The following HHIP variants were observed in gnomAD, a reference collection of about 807,000 sequenced individuals.
HHIP encodes the protein hedgehog-interacting protein.
In HHIP, 12 loss-of-function variants were observed where a neutral mutation model predicts 74.0. That is an observed-to-expected ratio of 0.16 (90% CI 0.10 to 0.26). The LOEUF is 0.26. Ranked by LOEUF, HHIP falls within the 10% of genes least tolerant of loss-of-function variation. The pLI is 1.00. For synonymous variants in HHIP, 309 were observed against 311.6 expected, an observed-to-expected ratio of 0.99 and a Z score of 0.09; for missense variants, 788 against 845.0, an observed-to-expected ratio of 0.93 and a Z score of 0.84.
At chr4:144,686,556 A>C (rs541796706) in intron 4 of HHIP, among the ~76,000 whole-genome samples, 37 of 152,320 alleles carry the variant, frequency 2.4e-4, no homozygotes, top group African/African-American at 8.7e-4. Flanking sequence ...TAGAAATATT[A>C]ATAGTAAAAC....
intron 4 of HHIP, among the ~76,000 whole-genome samples, chr4:144,687,072 G>A (rs1729507192): frequency 6.6e-6 from 1 of 151,964 alleles, no homozygotes; most frequent in African/African-American, 2.4e-5. Context: ...CTGCTGCTTT[G>A]TCATTCTATG....
At chr4:144,705,633 G>A (rs1332484121) in intron 4 of HHIP, among the ~76,000 whole-genome samples, 1 of 152,094 alleles carries the variant, frequency 6.6e-6, no homozygotes, top group Non-Finnish European at 1.5e-5. Flanking sequence ...ATAAAACAAA[G>A]GCTAAGACCA....
At chr4:144,667,594 T>C (rs2126601054) in intron 4 of HHIP, among the ~76,000 whole-genome samples, 1 of 152,318 alleles carries the variant, frequency 6.6e-6, no homozygotes, top group East Asian at 1.9e-4. Context: ...TATAGGGTAT[T>C]GCTGCCCACC....
intron 11 of HHIP, among the ~76,000 whole-genome samples, chr4:144,721,902 CAAA>C (rs766278808): frequency 3.1e-5 from 3 of 95,580 alleles, no homozygotes; most frequent in African/African-American, 4.0e-5. Context: ...GACTCTGTCT[CAAA>C]AAAAAAAAAA....
intron 4 of HHIP, among the ~76,000 whole-genome samples, chr4:144,686,803 C>CT (rs1729499564): frequency 6.6e-6 from 1 of 152,210 alleles, no homozygotes; most frequent in Admixed American, 6.5e-5. Flanking sequence ...CCACAGCTTT[C>CT]TTAGCAATGC....
intron 2 of HHIP, among the ~76,000 whole-genome samples, chr4:144,656,311 G>A (rs1728555872): frequency 6.6e-6 from 1 of 152,158 alleles, no homozygotes; most frequent in South Asian, 2.1e-4. Flanking sequence ...GAAGCTTGGA[G>A]TAAATTTATT....
intron 12 of HHIP, among the ~76,000 whole-genome samples, chr4:144,735,839 AC>A: frequency 6.6e-6 from 1 of 152,294 alleles, no homozygotes; most frequent in Middle Eastern, 3.4e-3. Flanking sequence ...ATTTAAAACC[AC>A]ATATAGAGGA....
intron 11 of HHIP, 28 bp from the exon 12 acceptor site, chr4:144,734,713 C>T (rs765635178): frequency 3.4e-6 from 5 of 1,491,988 alleles, no homozygotes; most frequent in Non-Finnish European, 4.6e-6. Flanking sequence ...AAATGGAATA[C>T]ACTTTCAACT....
At position 144,741,022 on chromosome 4, in the gene HHIP, A is replaced by G. The variant is rs951494453; in HGVS notation, c.*3065A>G. 1.3e-5 allele frequency: 2 copies of G among 152,170 alleles called. No individual in the cohort carries two copies. The highest frequency in any genetic ancestry group is 6.5e-5 in the Admixed American group (1 of 15,278). The allele number at this position is 152,170 out of a possible 1,614,324, so 9.4% of individuals were successfully genotyped here. A position where few individuals can be genotyped will look rare whatever the true frequency, so the allele number is the denominator to read the frequency against. On this transcript the variant is annotated 3_prime_UTR_variant, in exon 13 of 13. Coordinates refer to ENST00000296575, the MANE Select transcript of HHIP (RefSeq NM_022475.3). Reference sequence around the variant, plus strand: ...TATTTAAGGTAATAAAAGGAACACAATTTGGCAGATCTTTAAGTGAAAGAG... The same window carrying G: ...TATTTAAGGTAATAAAAGGAACACAGTTTGGCAGATCTTTAAGTGAAAGAG...
intron 4 of HHIP, among the ~76,000 whole-genome samples, chr4:144,686,648 T>C (rs1729493929): frequency 6.6e-6 from 1 of 152,124 alleles, no homozygotes; most frequent in Non-Finnish European, 1.5e-5. Context: ...AATTAAAACA[T>C]AAAATTTCTA....
At chr4:144,661,065 G>T (rs1239924059) in intron 4 of HHIP, among the ~76,000 whole-genome samples, 3 of 152,104 alleles carry the variant, frequency 2.0e-5, no homozygotes, top group East Asian at 1.9e-4. Context: ...TGTAAGGAGG[G>T]CTCAGAATAC....
chr4:144,688,845 A>G (rs1729555142), intron 4 of HHIP, among the ~76,000 whole-genome samples: 1 of 152,218 alleles, frequency 6.6e-6, no homozygotes, highest in African/African-American at 2.4e-5. Context: ...GATGAAGGCC[A>G]TAGACATTTT....
At chr4:144,698,799 A>G (rs1011671354) in intron 4 of HHIP, among the ~76,000 whole-genome samples, 2 of 152,150 alleles carry the variant, frequency 1.3e-5, no homozygotes, top group Non-Finnish European at 2.9e-5. Context: ...GAAACAAGAT[A>G]TTTTATGTCT....
chr4:144,724,005 A>T (rs567342663), intron 11 of HHIP, among the ~76,000 whole-genome samples: 295 of 152,294 alleles, frequency 1.9e-3, no homozygotes, highest in African/African-American at 6.7e-3. Flanking sequence ...ATACCTTTTC[A>T]TCTAACAAAT....
intron 11 of HHIP, among the ~76,000 whole-genome samples, chr4:144,719,404 T>C (rs1730567559): frequency 6.6e-6 from 1 of 152,210 alleles, no homozygotes; most frequent in South Asian, 2.1e-4. Context: ...CTGAGCCTCA[T>C]TTGGAAACTA....
intron 4 of HHIP, among the ~76,000 whole-genome samples, chr4:144,694,246 T>C (rs139866212): frequency 6.6e-6 from 1 of 151,862 alleles, no homozygotes; most frequent in African/African-American, 2.4e-5. Context: ...CAGCAATCTA[T>C]TGCATAACTC....
intron 4 of HHIP, among the ~76,000 whole-genome samples, chr4:144,675,544 T>G (rs1482840799): frequency 2.0e-5 from 3 of 152,046 alleles, no homozygotes; most frequent in African/African-American, 7.2e-5. Flanking sequence ...ACAAAGAGAT[T>G]ATTAATTTCT....
chr4:144,706,871 A>G (rs557951796), intron 5 of HHIP, among the ~76,000 whole-genome samples, 189 bp downstream of exon 5: 47 of 152,252 alleles, frequency 3.1e-4, no homozygotes, highest in African/African-American at 1.1e-3. Flanking sequence ...TGGTTTTGAC[A>G]TTTTTCCTCA....
At position 144,658,798 on chromosome 4, in the gene HHIP, C is replaced by A; in HGVS notation, c.481C>A (p.Gln161Lys). 6.2e-7 allele frequency: 1 copy of A among 1,610,936 alleles called. No individual in the cohort carries two copies. The highest frequency in any genetic ancestry group is 1.7e-5 in the Admixed American group (1 of 59,700). ...TTTTATATTTTTTAAAGGTTTCCTT[C>A]AAACAACTGCGGATGAGTTTTGCTT... is the stretch of plus-strand genomic sequence containing the variant. ...TCRGHIPGFLQTTADEFCFYY... is the reference protein window; with the variant it reads ...TCRGHIPGFLKTTADEFCFYY... The change falls in exon 3 of 13, where the codon CAA becomes AAA. Residue 161 changes from glutamine to lysine, a missense_variant. Coordinates refer to ENST00000296575, the MANE Select transcript of HHIP (RefSeq NM_022475.3).
Sources: allele counts gnomAD v4.1 joint callset (sites outside exome capture counted in the v4.1 genomes callset), GRCh38; gene constraint gnomAD v4.1.1; transcripts MANE v1.5; gene names NCBI Gene and HGNC (gene_info 2026-07-23, HGNC 2026-07-21).